HSF1: variants seen among roughly 807,000 people sequenced by gnomAD.
The protein encoded by HSF1 is heat shock factor protein 1.
In HSF1, 32 loss-of-function variants were observed where a neutral mutation model predicts 51.7. The observed-to-expected ratio is 0.62, with a 90% CI of 0.47 to 0.83. HSF1 has a LOEUF of 0.83. Ranked by LOEUF, HSF1 falls within the 40% of genes least tolerant of loss-of-function variation. The pLI is 0.00. For missense variants in HSF1, 727 were observed against 717.0 expected (o/e 1.01, Z -0.16); for synonymous variants, 396 against 309.7 (o/e 1.28, Z -2.92).
chr8:144,299,753 C>T (rs1324088371), intron 1 of HSF1, among the ~76,000 whole-genome samples: 3 of 151,530 alleles, frequency 2.0e-5, no homozygotes, highest in Non-Finnish European at 4.4e-5. Context: ...ACTAAAAATA[C>T]AAAAAATTAG....
intron 1 of HSF1, among the ~76,000 whole-genome samples, chr8:144,298,245 C>G (rs1047301646): frequency 1.3e-5 from 2 of 152,134 alleles, no homozygotes. Context: ...GGTTGCCTGA[C>G]ATGTTCAACT....
Position 144,314,343 on chromosome 8 carries a change from A to G in HSF1, c.*13A>G. ...CACTGTCTCCTAGAGGCCCCGGAGG[A>G]GCTGGGCCAGCCGCCCACCCCCACC... is the stretch of plus-strand genomic sequence containing the variant. On this transcript the variant is annotated 3_prime_UTR_variant, in exon 13 of 13. Coordinates refer to ENST00000528838, the MANE Select transcript of HSF1 (RefSeq NM_005526.4). 6.5e-7 allele frequency: 1 copy of G among 1,539,772 alleles called. No individual in the cohort carries two copies. The highest frequency in any genetic ancestry group is 8.8e-7 in the Non-Finnish European group (1 of 1,138,528).
At chr8:144,312,617 G>T (rs1222780680) in intron 9 of HSF1, 1 of 1,534,874 alleles carries the variant, frequency 6.5e-7, no homozygotes, top group Non-Finnish European at 8.7e-7. Context: ...TCTTGTTTTT[G>T]TATCTTGCAG....
rs1281457412 is a variant in HSF1 at position 144,312,794 on chromosome 8, T to G, written c.1142+550T>G. Reference sequence around the variant, plus strand: ...ACACAGCCGTGGACCAGACCCAGCCTGGCCGGGCATGAGCGTCGGGCCTGG... The same window carrying G: ...ACACAGCCGTGGACCAGACCCAGCCGGGCCGGGCATGAGCGTCGGGCCTGG... On this transcript the variant is annotated intron_variant, in intron 9 of 12. Coordinates refer to ENST00000528838, the MANE Select transcript of HSF1 (RefSeq NM_005526.4). The G allele has an allele frequency of 4.7e-5, 60 of 1,283,708 alleles. No individual in the cohort carries two copies. The South Asian group carries it at 6.6e-4, about 14-fold the overall frequency. The allele number at this position is 1,283,708 out of a possible 1,614,324, so 79.5% of individuals were successfully genotyped here.
chr8:144,312,729 T>G lies in HSF1; in HGVS notation c.1142+485T>G, dbSNP rs1554845266. 5 of 1,532,448 alleles carry G rather than the reference T, an allele frequency of 3.3e-6. No individual in the cohort carries two copies. In the East Asian group the frequency reaches 1.2e-4, roughly 37 times the overall value. The allele number at this position is 1,532,448 out of a possible 1,614,324, so 94.9% of individuals were successfully genotyped here. A position where few individuals can be genotyped will look rare whatever the true frequency, so the allele number is the denominator to read the frequency against. Reference sequence around the variant, plus strand: ...CAGCCAGGGTTAGCGCTGACCCCACTGGGGAGGGAGGAGGGCTCTGCCAGC... The same window carrying G: ...CAGCCAGGGTTAGCGCTGACCCCACGGGGGAGGGAGGAGGGCTCTGCCAGC... On this transcript the variant is annotated intron_variant, in intron 9 of 12. Coordinates refer to ENST00000528838, the MANE Select transcript of HSF1 (RefSeq NM_005526.4).
At chr8:144,309,990 G>A (rs931653791) in intron 4 of HSF1, 94 bp downstream of exon 4, 11 of 1,440,538 alleles carry the variant, frequency 7.6e-6, no homozygotes, top group Non-Finnish European at 7.5e-6. Context: ...ACCGGGGCCA[G>A]GTGCTCAGCT....
In HSF1 at chr8:144,313,890, C is replaced by A. The variant is rs954319355; in HGVS notation, c.1293C>A (p.Asp431Glu). The A allele has an allele frequency of 6.2e-7, 1 of 1,608,052 alleles. No individual in the cohort carries two copies. Among genetic ancestry groups the A allele is most frequent in the South Asian group, 1.1e-5 (1 of 90,808 alleles). ...SVTVPDMSLP[D>E]LDSSLASIQE... ...CCGTGCCCGACATGAGCCTGCCTGA[C>A]CTTGACAGCAGCCTGGCCAGTGTGC... Residue 431 changes from aspartate (D) to glutamate (E), a missense_variant, in exon 11 of 13, where the codon GAC (aspartate) becomes GAA (glutamate). This residue lies in a region of HSF1 where 470 missense variants were observed against 398.8 expected (regional missense o/e 1.18). Transcript: ENST00000528838.
chr8:144,312,342 C>T lies in HSF1; in HGVS notation c.1142+98C>T, dbSNP rs1380013025. ...CCAGTGGACTGAGCAGGGCAGCTGG[C>T]GAGGCAGGACCCTACCCCCAACCTC... On this transcript the variant is annotated intron_variant, in intron 9 of 12. Transcript: ENST00000528838. 14 of 951,646 alleles carry T rather than the reference C, an allele frequency of 1.5e-5. No individual in the cohort carries two copies. The Middle Eastern group carries it at 9.8e-4, about 67-fold the overall frequency. The allele number at this position is 951,646 out of a possible 1,614,324, so 59.0% of individuals were successfully genotyped here.
Position 144,312,152 on chromosome 8 carries a change from C to T in HSF1, c.1050C>T (p.Asp350=), listed in dbSNP as rs374134476. 37 of 1,611,090 alleles carry T rather than the reference C, an allele frequency of 2.3e-5. No homozygotes were observed. Among genetic ancestry groups the T allele is most frequent in the East Asian group, 1.1e-4 (5 of 44,884 alleles). ...CCGCCTCCGTCACAGCCCTCACGGA[C>T]GCCAGGGGCCACACGGACACCGAGG... ...PAPASVTALT[D]ARGHTDTEGR... Residue 350 remains aspartate (D), a synonymous_variant, in exon 9 of 13, where the codon GAC becomes GAT. Transcript: ENST00000528838.
intron 1 of HSF1, chr8:144,292,556 A>G (rs1554840562): frequency 6.6e-6 from 1 of 152,284 alleles, no homozygotes; most frequent in African/African-American, 2.4e-5. Context: ...GAAGTAAATC[A>G]GTGATTGTCT....
In HSF1 at chr8:144,314,022, C is replaced by T; in HGVS notation, c.1352C>T (p.Pro451Leu). Residue 451 changes from proline (P) to leucine (L), a missense_variant, in exon 12 of 13, where the codon CCT (proline) becomes CTT (leucine). Transcript: ENST00000528838. ...CTGTCTCCCCAGGAGCCCCCCAGGC[C>T]TCCCGAGGCAGAGAACAGCAGCCCG... is the stretch of plus-strand genomic sequence containing the variant. The part of the protein sequence containing the change: ...ELLSPQEPPR[P>L]PEAENSSPDS... The T allele has an allele frequency of 6.2e-7, 1 of 1,610,560 alleles. No individual in the cohort carries two copies. Among genetic ancestry groups the T allele is most frequent in the Non-Finnish European group, 8.5e-7 (1 of 1,179,326 alleles).
intron 8 of HSF1, 23 bp from the exon 9 acceptor site, chr8:144,311,940 C>T (rs1554844738): frequency 6.3e-7 from 1 of 1,581,422 alleles, no homozygotes; most frequent in Non-Finnish European, 8.6e-7. Flanking sequence ...GACGCCAGCT[C>T]ACCTGGCCCC....
intron 10 of HSF1, 67 bp downstream of exon 10, chr8:144,313,683 C>CTCG (rs1393848444): frequency 1.3e-5 from 1 of 75,578 alleles, no homozygotes; most frequent in African/African-American, 1.5e-4. Context: ...GCCTCCCCGC[C>CTCG]CCGCCTCCCC....
chr8:144,303,881 T>TA (rs1270668620), intron 1 of HSF1, among the ~76,000 whole-genome samples: 90 of 147,624 alleles, frequency 6.1e-4, no homozygotes, highest in South Asian at 1.9e-3. Flanking sequence ...ATATAAAAAA[T>TA]AAAAAAAAAA....
At chr8:144,311,068 A>T (rs1442194602) in intron 4 of HSF1, 106 bp from the exon 5 acceptor site, 4 of 1,071,718 alleles carry the variant, frequency 3.7e-6, no homozygotes, top group Middle Eastern at 2.8e-4. Flanking sequence ...AGACATGGTC[A>T]CACTTACCCC....
chr8:144,312,810 T>C, intron 9 of HSF1: 1 of 1,145,640 alleles, frequency 8.7e-7, no homozygotes, highest in South Asian at 1.3e-5. Flanking sequence ...GGCATGAGCG[T>C]CGGGCCTGGG....
At chr8:144,298,068 C>T (rs747996744) in intron 1 of HSF1, among the ~76,000 whole-genome samples, 1 of 152,126 alleles carries the variant, frequency 6.6e-6, no homozygotes, top group Non-Finnish European at 1.5e-5. Context: ...TTTCCAGTGG[C>T]AGGTTTTCGT....
At chr8:144,312,612 T>C (rs1554845185) in intron 9 of HSF1, 1 of 1,533,970 alleles carries the variant, frequency 6.5e-7, no homozygotes, top group Admixed American at 2.0e-5. Flanking sequence ...GGGGCTCTTG[T>C]TTTTGTATCT....
intron 1 of HSF1, among the ~76,000 whole-genome samples, chr8:144,303,613 C>T (rs1554842762): frequency 6.6e-6 from 1 of 152,188 alleles, no homozygotes; most frequent in African/African-American, 2.4e-5. Context: ...CACAGTGGCT[C>T]ATGCCTGTAA....
Sources: gnomAD v4.1 joint callset for allele counts (sites outside exome capture counted in the v4.1 genomes callset) on GRCh38, gnomAD v4.1.1 for gene constraint, gnomAD v4.1.1 regional missense constraint, MANE v1.5 for transcripts, NCBI Gene and HGNC (gene_info 2026-07-23, HGNC 2026-07-21) for gene names.